Variants in NFIA observed in about 807,000 individuals in gnomAD.
NFIA encodes the protein nuclear factor 1 A-type.
Under a neutral mutation model 62.8 loss-of-function variants are expected in NFIA, and 8 were observed. The ratio of observed to expected loss-of-function variants is 0.13; its 90% CI spans 0.07 to 0.23. The LOEUF is 0.23. NFIA is among the 10% of genes least tolerant of loss of function. The pLI is 1.00. For synonymous variants in NFIA, 235 were observed against 238.1 expected, an observed-to-expected ratio of 0.99 and a Z score of 0.12; for missense variants, 410 against 642.1, an observed-to-expected ratio of 0.64 and a Z score of 3.91.
chr1:61,460,502 G>T lies in NFIA; in HGVS notation c.*5182G>T, dbSNP rs893784765. Reference sequence around the variant, plus strand: ...TGCTTTCCAACAGTGTAAATGCATAGCAGTGTTTATCTGCATGAGAACTAT... The same window carrying T: ...TGCTTTCCAACAGTGTAAATGCATATCAGTGTTTATCTGCATGAGAACTAT... On this transcript the variant is annotated 3_prime_UTR_variant, in exon 11 of 11. Transcript: ENST00000403491. 1 of 152,202 alleles carries T rather than the reference G, an allele frequency of 6.6e-6. No homozygotes were observed. The highest frequency in any genetic ancestry group is 1.5e-5 in the Non-Finnish European group (1 of 68,038). The allele number at this position is 152,202 out of a possible 1,614,324, so 9.4% of individuals were successfully genotyped here. A position where few individuals can be genotyped will look rare whatever the true frequency, so the allele number is the denominator to read the frequency against.
At chr1:61,135,236 A>G (rs1254958568) in intron 2 of NFIA, among the ~76,000 whole-genome samples, 2 of 152,214 alleles carry the variant, frequency 1.3e-5, no homozygotes, top group East Asian at 3.9e-4. Flanking sequence ...AGATCATTTA[A>G]TACAGCTACT....
At chr1:61,286,278 A>T (rs932300736) in intron 3 of NFIA, among the ~76,000 whole-genome samples, 1 of 151,470 alleles carries the variant, frequency 6.6e-6, no homozygotes, top group African/African-American at 2.4e-5. Context: ...AAAAAAAAAA[A>T]TTAGCCGGGT....
rs143024991 is a variant in NFIA at position 61,209,410 on chromosome 1, C to T, written c.560-68110C>T. Among the ~76,000 whole-genome samples the T allele has an allele frequency of 8.0e-3, 1,220 of 152,098 alleles. 6 individuals carry two copies. Among genetic ancestry groups the T allele is most frequent in the Admixed American group, 0.021 (315 of 15,272 alleles). The stretch of plus-strand genomic sequence containing the variant: ...TTGTGTTCTTTTAAAATTTATTTTT[C>T]CATATAATCTCTGTGAGGGCAGGGA... On this transcript the variant is annotated intron_variant, in intron 2 of 10. Transcript: ENST00000403491.
At position 61,449,713 on chromosome 1, in the gene NFIA, A is replaced by G. The variant is rs186945721; in HGVS notation, c.1513-5590A>G. Among the ~76,000 whole-genome samples the G allele has an allele frequency of 9.1e-4, 138 of 152,388 alleles. 1 individual carries two copies. The highest frequency in any genetic ancestry group is 2.2e-3 in the Admixed American group (33 of 15,314). On this transcript the variant is annotated intron_variant, in intron 10 of 10. Coordinates refer to ENST00000403491, the MANE Select transcript of NFIA (RefSeq NM_001134673.4). ...CCAATCCCGGCCCATTACGGTTTTA[A>G]TAGTTTTCTGTACAATAAACAAGTC...
At chr1:61,210,405 T>C (rs1301672512) in intron 2 of NFIA, among the ~76,000 whole-genome samples, 1 of 152,188 alleles carries the variant, frequency 6.6e-6, no homozygotes, top group Non-Finnish European at 1.5e-5. Flanking sequence ...TGTACTTTTT[T>C]CCCCCAGAAC....
At chr1:61,385,989 A>G (rs1170580894) in intron 7 of NFIA, 1 of 152,214 alleles carries the variant, frequency 6.6e-6, no homozygotes, top group Non-Finnish European at 1.5e-5. Context: ...AGTAGTTGAG[A>G]TGAAACTTCA....
intron 2 of NFIA, among the ~76,000 whole-genome samples, chr1:61,191,800 A>T (rs559437623): frequency 6.6e-6 from 1 of 151,894 alleles, no homozygotes; most frequent in South Asian, 2.1e-4. Flanking sequence ...GTAAATTATT[A>T]AAAAACCATA....
At chr1:61,223,995 G>C (rs1654173308) in intron 2 of NFIA, among the ~76,000 whole-genome samples, 1 of 151,934 alleles carries the variant, frequency 6.6e-6, no homozygotes, top group African/African-American at 2.4e-5. Context: ...GAAGAAAAAA[G>C]CTTGTGTTAG....
At chr1:61,324,267 A>G (rs1234379623) in intron 3 of NFIA, among the ~76,000 whole-genome samples, 1 of 152,224 alleles carries the variant, frequency 6.6e-6, no homozygotes, top group Non-Finnish European at 1.5e-5. Context: ...CTTCTGGAAT[A>G]TAAACAGCGT....
At chr1:61,449,517 A>G (rs1437009270) in intron 10 of NFIA, among the ~76,000 whole-genome samples, 1 of 152,222 alleles carries the variant, frequency 6.6e-6, no homozygotes, top group African/African-American at 2.4e-5. Context: ...AGGGACATCT[A>G]ATCTTAGAAC....
At chr1:61,143,187 A>C (rs189336099) in intron 2 of NFIA, among the ~76,000 whole-genome samples, 54 of 152,320 alleles carry the variant, frequency 3.5e-4, no homozygotes, top group Admixed American at 6.5e-4. Flanking sequence ...GCGTGGCATC[A>C]GAGAACCACA....
intron 3 of NFIA, among the ~76,000 whole-genome samples, chr1:61,319,194 C>T (rs1314319604): frequency 3.3e-5 from 5 of 151,996 alleles, no homozygotes. Flanking sequence ...AGTTACCTTG[C>T]CTTGGAAAGG....
At chr1:61,200,422 G>A (rs1012760441) in intron 2 of NFIA, among the ~76,000 whole-genome samples, 2 of 151,858 alleles carry the variant, frequency 1.3e-5, no homozygotes, top group Non-Finnish European at 2.9e-5. Flanking sequence ...GAAAAAAAAA[G>A]AAATTAAGGA....
rs56688086 is a variant in NFIA, at chr1:61,330,436, A to ACCCC, written c.626-2071_626-2068dup. ...ATAAAATAACTTAGGAAATAGATAC[A>ACCCC]CCCCCCCCACACACACACACACACG... is the stretch of plus-strand genomic sequence containing the variant. On this transcript the variant is annotated intron_variant, in intron 3 of 10. Coordinates refer to ENST00000403491, the MANE Select transcript of NFIA (RefSeq NM_001134673.4). 6.5e-3 allele frequency among the ~76,000 whole-genome samples: 412 copies of ACCCC among 63,478 alleles called. 13 individuals are homozygous for ACCCC. Among genetic ancestry groups the ACCCC allele is most frequent in the African/African-American group, 0.01 (210 of 20,018 alleles). The allele number at this position is 63,478 out of a possible 152,430, so 41.6% of individuals were successfully genotyped here.
intron 3 of NFIA, among the ~76,000 whole-genome samples, chr1:61,295,142 T>A (rs191004248): frequency 2.0e-5 from 3 of 152,320 alleles, no homozygotes; most frequent in Admixed American, 2.0e-4. Flanking sequence ...CATCCTCATA[T>A]GCGCATAGCC....
chr1:61,216,629 ACT>A lies in NFIA; in HGVS notation c.560-60884_560-60883del, dbSNP rs544209039. Among the ~76,000 whole-genome samples, 90 of 152,202 alleles carry A rather than the reference ACT, an allele frequency of 5.9e-4. No homozygotes were observed. In the South Asian group the frequency reaches 8.5e-3, roughly 14 times the overall value. On this transcript the variant is annotated intron_variant, in intron 2 of 10. Transcript: ENST00000403491. The stretch of plus-strand genomic sequence containing the variant: ...ACACATGTTTGAAATAGATATCTAT[ACT>A]CTCTCTGATACTAGTGTGTAGCAAT...
At chr1:61,271,932 A>G (rs1488345810) in intron 2 of NFIA, among the ~76,000 whole-genome samples, 2 of 152,228 alleles carry the variant, frequency 1.3e-5, no homozygotes, top group African/African-American at 4.8e-5. Context: ...GAAAACTTTT[A>G]TGGTATGACT....
At chr1:61,313,742 T>C (rs1426210551) in intron 3 of NFIA, among the ~76,000 whole-genome samples, 2 of 152,220 alleles carry the variant, frequency 1.3e-5, no homozygotes, top group African/African-American at 4.8e-5. Flanking sequence ...GGAATTTGTA[T>C]GTACACATTG....
intron 4 of NFIA, among the ~76,000 whole-genome samples, chr1:61,347,121 A>G (rs528818235): frequency 2.6e-4 from 38 of 148,544 alleles, no homozygotes; most frequent in African/African-American, 9.1e-4. Flanking sequence ...CCAGGTCCAC[A>G]GTGATCTTAT....
Sources: gnomAD v4.1 joint callset for allele counts (sites outside exome capture counted in the v4.1 genomes callset) on GRCh38, gnomAD v4.1.1 for gene constraint, MANE v1.5 for transcripts, NCBI Gene and HGNC (gene_info 2026-07-23, HGNC 2026-07-21) for gene names.